The following TSHR variants were observed in gnomAD, a reference collection of about 807,000 sequenced individuals.
The protein encoded by TSHR is thyrotropin receptor.
A neutral mutation model predicts 64.1 loss-of-function variants in TSHR; 51 were observed. The observed-to-expected ratio is 0.80, with a 90% CI of 0.64 to 1.01. The LOEUF (loss-of-function observed/expected upper bound fraction) is 1.01, where lower values mean the gene tolerates loss of function less well. Ranked by LOEUF, TSHR falls within the 50% of genes least tolerant of loss-of-function variation. TSHR has a pLI of 0.00. For missense variants in TSHR, 877 were observed against 942.8 expected, an observed-to-expected ratio of 0.93 and a Z score of 0.91; for synonymous variants, 361 against 361.9, an observed-to-expected ratio of 1.00 and a Z score of 0.03.
At chr14:81,120,209 T>C (rs1397225127) in intron 8 of TSHR, among the ~76,000 whole-genome samples, 1 of 151,984 alleles carries the variant, frequency 6.6e-6, no homozygotes, top group East Asian at 1.9e-4. Flanking sequence ...TAAAAAAGAA[T>C]CACTGATAGT....
chr14:81,100,751 T>C (rs568695779), intron 7 of TSHR, among the ~76,000 whole-genome samples: 1 of 152,330 alleles, frequency 6.6e-6, no homozygotes, highest in Middle Eastern at 3.4e-3. Flanking sequence ...ATGCATAGGG[T>C]GAGAGGTAGG....
chr14:81,033,636 AT>A (rs1884472758), intron 1 of TSHR, among the ~76,000 whole-genome samples: 1 of 151,316 alleles, frequency 6.6e-6, no homozygotes, highest in South Asian at 2.1e-4. Flanking sequence ...AAAAAAAAAA[AT>A]GTACAATTCT....
At chr14:80,960,238 C>A (rs2139683935) in intron 1 of TSHR, among the ~76,000 whole-genome samples, 1 of 152,312 alleles carries the variant, frequency 6.6e-6, no homozygotes, top group African/African-American at 2.4e-5. Context: ...TCTCACGTAC[C>A]TCCAAGTCAT....
intron 8 of TSHR, among the ~76,000 whole-genome samples, chr14:81,127,339 A>G (rs960647965): frequency 2.0e-5 from 3 of 152,192 alleles, no homozygotes; most frequent in Admixed American, 6.5e-5. Context: ...TCTGAGTCTA[A>G]AAGAAATAAA....
At chr14:81,013,578 A>C (rs1023464170) in intron 1 of TSHR, 1 of 152,196 alleles carries the variant, frequency 6.6e-6, no homozygotes, top group Non-Finnish European at 1.5e-5. Context: ...CCAGCCAATA[A>C]AAATTTACAG....
intron 1 of TSHR, among the ~76,000 whole-genome samples, chr14:80,974,361 A>T (rs1409431657): frequency 6.6e-6 from 1 of 152,198 alleles, no homozygotes; most frequent in Non-Finnish European, 1.5e-5. Flanking sequence ...CCAGTAGGGT[A>T]AAGGGACTGA....
chr14:80,993,657 T>C (rs1888859408), intron 1 of TSHR: 1 of 152,182 alleles, frequency 6.6e-6, no homozygotes, highest in Non-Finnish European at 1.5e-5. Flanking sequence ...TAAATGTTAA[T>C]GTGTTTTCTT....
chr14:81,084,676 C>T (rs1175479045), intron 3 of TSHR, among the ~76,000 whole-genome samples: 1 of 152,180 alleles, frequency 6.6e-6, no homozygotes, highest in Non-Finnish European at 1.5e-5. Context: ...GAGGGCATCT[C>T]CATTCCTAGT....
In TSHR at chr14:81,062,365, A is replaced by AT. The variant is rs1198572723; in HGVS notation, c.242+151dup. 5 of 602,838 alleles carry AT rather than the reference A, an allele frequency of 8.3e-6. No individual in the cohort carries two copies. The South Asian group carries it at 1.2e-4, about 14-fold the overall frequency. The allele number at this position is 602,838 out of a possible 1,614,324, so 37.3% of individuals were successfully genotyped here. ...TGTATATGACAATTTTATGTACATG[A>AT]TTTTTATTTCATTTTGCTATATCTC... On this transcript the variant is annotated intron_variant, in intron 2 of 9. Transcript: ENST00000298171.
At chr14:80,964,076 G>T (rs1245148712) in intron 1 of TSHR, among the ~76,000 whole-genome samples, 1 of 152,188 alleles carries the variant, frequency 6.6e-6, no homozygotes, top group African/African-American at 2.4e-5. Flanking sequence ...TTAAAAGAAG[G>T]TTGGTCTCAG....
Position 81,103,701 on chromosome 14 carries a change from T to A in TSHR, c.615-4674T>A. ...CAAGCATCCCTTGCTCAACAGAAGT[T>A]GAACTGTACTTGGTCACAAGTTAAG... On this transcript the variant is annotated intron_variant, in intron 7 of 9. Transcript: ENST00000298171. The surrounding 1 kb of genome is among the most constrained non-coding windows in gnomAD (Gnocchi z 4.1). The A allele has an allele frequency of 1.9e-5, 19 of 985,490 alleles. No homozygotes were observed. The highest frequency in any genetic ancestry group is 2.2e-5 in the Non-Finnish European group (18 of 829,934). 61.0% of individuals were successfully genotyped at this position (985,490 alleles called of 1,614,324 possible).
chr14:81,036,263 C>A (rs1393059155), intron 1 of TSHR, among the ~76,000 whole-genome samples: 1 of 152,090 alleles, frequency 6.6e-6, no homozygotes, highest in East Asian at 1.9e-4. Context: ...CAGATTCAAC[C>A]CAAAGAGGTT....
At chr14:81,026,905 G>A (rs141450249) in intron 1 of TSHR, among the ~76,000 whole-genome samples, 15,442 of 151,648 alleles carry the variant, frequency 0.1, 985 homozygotes, top group South Asian at 0.22. Flanking sequence ...GTGTGGTGGC[G>A]GGCACCTATA....
intron 1 of TSHR, among the ~76,000 whole-genome samples, chr14:81,002,770 C>A (rs1889386703): frequency 8.8e-6 from 1 of 113,644 alleles, no homozygotes; most frequent in Admixed American, 9.9e-5. Flanking sequence ...TCATTAAGGT[C>A]CCTAATGCCT....
Position 81,129,063 on chromosome 14 carries a change from T to C in TSHR, c.693-10616T>C, listed in dbSNP as rs557400791. On this transcript the variant is annotated intron_variant, in intron 8 of 9. Transcript: ENST00000298171. ...CCTGTCCTAACTTTGGTTATTTCAA[T>C]ATCCACATGGATTATCTTTCCTATA... Among the ~76,000 whole-genome samples the C allele has an allele frequency of 2.2e-4, 33 of 152,316 alleles. No homozygotes were observed. The South Asian group carries it at 6.9e-3, about 32-fold the overall frequency.
intron 3 of TSHR, among the ~76,000 whole-genome samples, chr14:81,079,906 G>T (rs1246130910): frequency 1.3e-5 from 2 of 149,582 alleles, no homozygotes; most frequent in Non-Finnish European, 3.0e-5. Context: ...GCCCTCAGAA[G>T]AATGTTTTTA....
intron 3 of TSHR, among the ~76,000 whole-genome samples, chr14:81,072,426 A>G (rs1305365820): frequency 6.6e-6 from 1 of 152,198 alleles, no homozygotes; most frequent in African/African-American, 2.4e-5. Flanking sequence ...AACTTTAATA[A>G]ATCATAAATA....
chr14:80,960,294 A>C (rs1886949202), intron 1 of TSHR, among the ~76,000 whole-genome samples: 1 of 152,220 alleles, frequency 6.6e-6, no homozygotes, highest in African/African-American at 2.4e-5. Flanking sequence ...TATATTTCAC[A>C]ATGGTTTTAG....
At chr14:81,065,242 A>G in intron 2 of TSHR, among the ~76,000 whole-genome samples, 1 of 152,114 alleles carries the variant, frequency 6.6e-6, no homozygotes, top group Non-Finnish European at 1.5e-5. Flanking sequence ...CTCCCAGGGC[A>G]CAGGCAGTTG....
Sources: gnomAD v4.1 joint callset for allele counts (sites outside exome capture counted in the v4.1 genomes callset) on GRCh38, gnomAD v4.1.1 for gene constraint, Gnocchi (gnomAD v3.1) non-coding constraint, MANE v1.5 for transcripts, NCBI Gene and HGNC (gene_info 2026-07-23, HGNC 2026-07-21) for gene names.